Variants in CCSER1 observed in about 807,000 individuals in gnomAD.
CCSER1 encodes serine-rich coiled-coil domain-containing protein 1.
In CCSER1, 41 loss-of-function variants were observed where a neutral mutation model predicts 82.0. The observed-to-expected ratio is 0.50, with a 90% CI of 0.39 to 0.65. The LOEUF is 0.65. Ranked by LOEUF, CCSER1 falls within the 30% of genes least tolerant of loss-of-function variation. The probability of loss-of-function intolerance (pLI) is 0.00; values close to 1 mark genes in which losing one functional copy is unlikely to be tolerated. For synonymous variants in CCSER1, 414 were observed against 383.9 expected, an observed-to-expected ratio of 1.08 and a Z score of -0.92; for missense variants, 1,119 against 1,064.2, an observed-to-expected ratio of 1.05 and a Z score of -0.72.
At chr4:90,982,128 A>G (rs1303860579) in intron 9 of CCSER1, among the ~76,000 whole-genome samples, 1 of 151,790 alleles carries the variant, frequency 6.6e-6, no homozygotes, top group Non-Finnish European at 1.5e-5. Flanking sequence ...GGCTTAACAA[A>G]CGTTTCTTAC....
intron 1 of CCSER1, among the ~76,000 whole-genome samples, chr4:90,201,768 A>G (rs2153406321): frequency 6.6e-6 from 1 of 152,190 alleles, no homozygotes; most frequent in East Asian, 1.9e-4. Context: ...TAGTATATGC[A>G]ACACTTGTTC....
intron 10 of CCSER1, among the ~76,000 whole-genome samples, chr4:91,473,316 C>A (rs1313152966): frequency 6.6e-6 from 1 of 152,144 alleles, no homozygotes; most frequent in East Asian, 1.9e-4. Context: ...CCTGGTGATG[C>A]CATGAAGCAG....
chr4:91,271,509 C>T (rs1430735632), intron 10 of CCSER1, among the ~76,000 whole-genome samples: 1 of 152,064 alleles, frequency 6.6e-6, no homozygotes, highest in African/African-American at 2.4e-5. Context: ...TGAGTGAGAA[C>T]ATATGAACAT....
rs549856134 is a variant in CCSER1 at position 90,588,474 on chromosome 4, A to G, written c.1725-39551A>G. The stretch of plus-strand genomic sequence containing the variant: ...TCAAATTTTGTTATGAGTTTGCAGC[A>G]ATTCAGTTACTTCTTTAGGCTCCAC... On this transcript the variant is annotated intron_variant, in intron 5 of 10. Transcript: ENST00000509176. Among the ~76,000 whole-genome samples, 25 of 152,274 alleles carry G rather than the reference A, an allele frequency of 1.6e-4. No homozygotes were observed. The South Asian group carries it at 5.0e-3, about 30-fold the overall frequency.
chr4:91,050,354 C>T (rs1399628295), intron 9 of CCSER1, among the ~76,000 whole-genome samples: 4 of 151,076 alleles, frequency 2.6e-5, no homozygotes, highest in South Asian at 2.1e-4. Context: ...TCTCTTGAAC[C>T]TGAGAGGCAC....
chr4:91,022,631 G>A (rs868418799), intron 9 of CCSER1, among the ~76,000 whole-genome samples: 48 of 152,264 alleles, frequency 3.2e-4, no homozygotes, highest in Non-Finnish European at 4.6e-4. Flanking sequence ...CACCAACAGC[G>A]TAAAAGTGTT....
intron 10 of CCSER1, among the ~76,000 whole-genome samples, chr4:91,303,705 G>C (rs1190268122): frequency 6.6e-6 from 1 of 151,936 alleles, no homozygotes; most frequent in African/African-American, 2.4e-5. Flanking sequence ...TGAGGTGGGA[G>C]GATCACCTGA....
intron 8 of CCSER1, among the ~76,000 whole-genome samples, chr4:90,834,714 T>C (rs1761562977): frequency 6.6e-6 from 1 of 152,238 alleles, no homozygotes; most frequent in Non-Finnish European, 1.5e-5. Flanking sequence ...TTGCAGACTG[T>C]ATCGTACCTT....
intron 4 of CCSER1, among the ~76,000 whole-genome samples, chr4:90,405,725 C>T (rs992624322): frequency 2.0e-5 from 3 of 152,106 alleles, no homozygotes; most frequent in Non-Finnish European, 2.9e-5. Context: ...TTAAACAAAA[C>T]AATTATCAGA....
chr4:91,419,762 G>C (rs1237294772), intron 10 of CCSER1, among the ~76,000 whole-genome samples: 1 of 151,918 alleles, frequency 6.6e-6, no homozygotes, highest in African/African-American at 2.4e-5. Flanking sequence ...TCAGAAAGAA[G>C]AAAAATCTGG....
At chr4:90,798,852 G>A (rs1467080697) in intron 7 of CCSER1, among the ~76,000 whole-genome samples, 1 of 152,182 alleles carries the variant, frequency 6.6e-6, no homozygotes, top group Non-Finnish European at 1.5e-5. Flanking sequence ...GGAACCCACT[G>A]CACTGAGGTG....
intron 7 of CCSER1, among the ~76,000 whole-genome samples, chr4:90,742,407 A>G (rs1746698372): frequency 6.6e-6 from 1 of 152,210 alleles, no homozygotes; most frequent in South Asian, 2.1e-4. Context: ...ATGTGACAAT[A>G]TTAGGAAGTC....
chr4:90,717,350 A>G (rs920831928), intron 6 of CCSER1, among the ~76,000 whole-genome samples: 1 of 152,188 alleles, frequency 6.6e-6, no homozygotes, highest in African/African-American at 2.4e-5. Flanking sequence ...CTCTAAGAAT[A>G]TATTATAAAG....
At chr4:91,487,999 G>A (rs1033106224) in intron 10 of CCSER1, among the ~76,000 whole-genome samples, 3 of 151,758 alleles carry the variant, frequency 2.0e-5, no homozygotes, top group Admixed American at 6.6e-5. Flanking sequence ...AATTAAATAC[G>A]ATCATTTGAA....
intron 10 of CCSER1, among the ~76,000 whole-genome samples, chr4:91,260,430 A>C (rs552216118): frequency 1.3e-5 from 2 of 152,334 alleles, no homozygotes; most frequent in South Asian, 4.1e-4. Flanking sequence ...CTGATCTTTT[A>C]TTAATCCTCT....
At chr4:91,344,664 A>G (rs1414355758) in intron 10 of CCSER1, among the ~76,000 whole-genome samples, 1 of 152,014 alleles carries the variant, frequency 6.6e-6, no homozygotes, top group Non-Finnish European at 1.5e-5. Flanking sequence ...AAAAAGGAAT[A>G]AAAGAGATTC....
chr4:90,717,008 C>G (rs930953973), intron 6 of CCSER1, among the ~76,000 whole-genome samples: 6 of 152,158 alleles, frequency 3.9e-5, no homozygotes, highest in African/African-American at 1.4e-4. Flanking sequence ...GATGTTCCAT[C>G]TACTTGGTGA....
At chr4:91,393,421 T>C (rs1463518999) in intron 10 of CCSER1, among the ~76,000 whole-genome samples, 1 of 152,108 alleles carries the variant, frequency 6.6e-6, no homozygotes, top group Non-Finnish European at 1.5e-5. Flanking sequence ...CTAAAATGGA[T>C]ATTTTAAAGT....
At chr4:90,706,847 G>C (rs1479820829) in intron 6 of CCSER1, among the ~76,000 whole-genome samples, 1 of 152,136 alleles carries the variant, frequency 6.6e-6, no homozygotes, top group Non-Finnish European at 1.5e-5. Context: ...TAAACCATTT[G>C]TCCTTTTTGA....
Sources: allele counts gnomAD v4.1 joint callset (sites outside exome capture counted in the v4.1 genomes callset), GRCh38; gene constraint gnomAD v4.1.1; transcripts MANE v1.5; gene names NCBI Gene and HGNC (gene_info 2026-07-23, HGNC 2026-07-21).